FNBP1L: variants seen among roughly 807,000 people sequenced by gnomAD.
The protein encoded by FNBP1L is formin binding protein 1 like.
A neutral mutation model predicts 91.2 loss-of-function variants in FNBP1L; 36 were observed. That is an observed-to-expected ratio of 0.39 (90% confidence interval 0.30 to 0.52). The LOEUF is 0.52. Among genes scored for constraint, FNBP1L ranks in the 20% least tolerant of loss-of-function variants. The pLI, the probability that FNBP1L is intolerant of heterozygous loss-of-function variation, is 0.66. For missense variants in FNBP1L, 571 were observed against 732.1 expected, an observed-to-expected ratio of 0.78 and a Z score of 2.54; for synonymous variants, 242 against 237.0, an observed-to-expected ratio of 1.02 and a Z score of -0.19.
At chr1:93,516,239 G>GT (rs1372640751) in intron 2 of FNBP1L, among the ~76,000 whole-genome samples, 2 of 152,182 alleles carry the variant, frequency 1.3e-5, no homozygotes, top group Non-Finnish European at 2.9e-5. Flanking sequence ...GTGGCTGGCA[G>GT]TATCTACTTT....
intron 5 of FNBP1L, among the ~76,000 whole-genome samples, chr1:93,529,205 A>T (rs1206282428): frequency 1.3e-5 from 2 of 152,106 alleles, no homozygotes; most frequent in Non-Finnish European, 2.9e-5. Flanking sequence ...TATATTTTTT[A>T]TAAAAAAATT....
chr1:93,470,541 T>G (rs544396314), intron 1 of FNBP1L, among the ~76,000 whole-genome samples: 1 of 152,324 alleles, frequency 6.6e-6, no homozygotes, highest in African/African-American at 2.4e-5. Context: ...TAGAAAGCTT[T>G]CTTATGTTGT....
intron 1 of FNBP1L, among the ~76,000 whole-genome samples, chr1:93,452,364 A>G (rs1337246157): frequency 1.3e-5 from 2 of 152,224 alleles, no homozygotes; most frequent in Non-Finnish European, 2.9e-5. Flanking sequence ...TAAAGCTGAA[A>G]CCAAAATTAT....
intron 2 of FNBP1L, among the ~76,000 whole-genome samples, chr1:93,510,336 C>A (rs1487638397): frequency 4.9e-3 from 623 of 128,216 alleles, no homozygotes; most frequent in South Asian, 0.012. Context: ...AGGCACCCCC[C>A]AGCAGGGGCA....
chr1:93,481,259 G>A (rs1669695093), intron 1 of FNBP1L, among the ~76,000 whole-genome samples: 1 of 151,922 alleles, frequency 6.6e-6, no homozygotes, highest in Non-Finnish European at 1.5e-5. Context: ...TTTCCCTAAG[G>A]CTAAAAGTGT....
At chr1:93,454,501 G>C (rs1668593519) in intron 1 of FNBP1L, among the ~76,000 whole-genome samples, 1 of 152,202 alleles carries the variant, frequency 6.6e-6, no homozygotes, top group Non-Finnish European at 1.5e-5. Flanking sequence ...GGTTTTAGAA[G>C]ATGAAAGTGT....
At chr1:93,517,062 CAG>C (rs1671148356) in intron 2 of FNBP1L, among the ~76,000 whole-genome samples, 1 of 145,130 alleles carries the variant, frequency 6.9e-6, no homozygotes, top group South Asian at 2.2e-4. Context: ...TTTTTTGAGA[CAG>C]AGCCTTGCTC....
intron 1 of FNBP1L, among the ~76,000 whole-genome samples, chr1:93,456,081 T>A (rs1337137812): frequency 6.6e-6 from 1 of 151,902 alleles, no homozygotes; most frequent in Non-Finnish European, 1.5e-5. Flanking sequence ...GCCTGGGCAA[T>A]ATAATGAGAC....
chr1:93,545,615 C>CAT (rs1202046497), intron 12 of FNBP1L, among the ~76,000 whole-genome samples: 2 of 152,026 alleles, frequency 1.3e-5, no homozygotes, highest in African/African-American at 4.8e-5. Context: ...GAAGGGGTAA[C>CAT]ATTATTAGCT....
chr1:93,542,229 G>T (rs1430254706), intron 11 of FNBP1L, among the ~76,000 whole-genome samples: 1 of 151,934 alleles, frequency 6.6e-6, no homozygotes, highest in Non-Finnish European at 1.5e-5. Context: ...TGAGCCATGA[G>T]AGCTATGATC....
At chr1:93,538,258 TA>T (rs1158968663) in intron 10 of FNBP1L, among the ~76,000 whole-genome samples, 4 of 106,034 alleles carry the variant, frequency 3.8e-5, no homozygotes, top group South Asian at 3.5e-4. Flanking sequence ...TGTGTCATCT[TA>T]TTTTTTTTTT....
intron 6 of FNBP1L, 137 bp downstream of exon 6, chr1:93,529,893 T>C: frequency 1.7e-6 from 1 of 572,290 alleles, no homozygotes; most frequent in Non-Finnish European, 3.1e-6. Flanking sequence ...ATACAAATAT[T>C]TGCCAACTTT....
intron 1 of FNBP1L, among the ~76,000 whole-genome samples, chr1:93,476,828 A>G (rs1357132308): frequency 6.6e-6 from 1 of 152,222 alleles, no homozygotes; most frequent in Admixed American, 6.5e-5. Context: ...ACAGACACAG[A>G]GAAAGATGTG....
chr1:93,499,597 T>G lies in FNBP1L; in HGVS notation c.140+14T>G. 6.8e-7 allele frequency: 1 copy of G among 1,460,936 alleles called. No individual in the cohort carries two copies. The highest frequency in any genetic ancestry group is 2.4e-5 in the East Asian group (1 of 42,208). 90.5% of individuals were successfully genotyped at this position (1,460,936 alleles called of 1,614,324 possible). ...GAAACAATTGAGGTAAGTTAATTTT[T>G]TTTTCAGTTTTTAGAATGAAATTAC... On this transcript the variant is annotated intron_variant, in intron 2 of 16. Coordinates refer to ENST00000271234, the MANE Select transcript of FNBP1L (RefSeq NM_001164473.3).
chr1:93,506,340 G>A (rs557534776), intron 2 of FNBP1L, among the ~76,000 whole-genome samples: 5 of 152,236 alleles, frequency 3.3e-5, no homozygotes, highest in African/African-American at 1.2e-4. Flanking sequence ...GTCATCAACA[G>A]TGCCAGTTTT....
intron 1 of FNBP1L, among the ~76,000 whole-genome samples, chr1:93,475,964 A>G (rs1028659079): frequency 1.3e-5 from 2 of 152,026 alleles, no homozygotes; most frequent in Non-Finnish European, 2.9e-5. Flanking sequence ...ACCCGACTCA[A>G]TTTTGTTTTT....
intron 1 of FNBP1L, among the ~76,000 whole-genome samples, chr1:93,498,751 A>G (rs1429599056): frequency 6.6e-6 from 1 of 152,228 alleles, no homozygotes; most frequent in Non-Finnish European, 1.5e-5. Flanking sequence ...AGAGCCTTGT[A>G]GGACAGTGGT....
At chr1:93,546,610 A>G (rs1672247554) in intron 12 of FNBP1L, among the ~76,000 whole-genome samples, 1 of 152,148 alleles carries the variant, frequency 6.6e-6, no homozygotes, top group Non-Finnish European at 1.5e-5. Context: ...GCAGGAAGTA[A>G]GAAATGAACT....
chr1:93,466,073 T>C (rs1182704512), intron 1 of FNBP1L, among the ~76,000 whole-genome samples: 1 of 151,718 alleles, frequency 6.6e-6, no homozygotes, highest in African/African-American at 2.4e-5. Flanking sequence ...TTCTTGTAAA[T>C]TTGTTTCTTT....
Sources: gnomAD v4.1 joint callset for allele counts (sites outside exome capture counted in the v4.1 genomes callset) on GRCh38, gnomAD v4.1.1 for gene constraint, MANE v1.5 for transcripts, NCBI Gene and HGNC (gene_info 2026-07-23, HGNC 2026-07-21) for gene names.